Variants in PTPRD observed in about 807,000 individuals in gnomAD.
PTPRD encodes protein tyrosine phosphatase receptor type D.
PTPRD carries 34 observed loss-of-function variants against 214.5 expected under a neutral mutation model. The observed-to-expected ratio is 0.16, with a 90% CI of 0.12 to 0.21. PTPRD has a LOEUF of 0.21. Ranked by LOEUF, PTPRD falls within the 10% of genes least tolerant of loss-of-function variation. PTPRD has a pLI of 1.00. For missense variants in PTPRD, 2,545 were observed against 2,398.7 expected, an observed-to-expected ratio of 1.06 and a Z score of -1.27; for synonymous variants, 1,128 against 845.7, an observed-to-expected ratio of 1.33 and a Z score of -5.79.
chr9:8,696,357 A>G (rs1432670990), intron 12 of PTPRD, among the ~76,000 whole-genome samples: 1 of 152,194 alleles, frequency 6.6e-6, no homozygotes, highest in African/African-American at 2.4e-5. Context: ...TCACTTAACT[A>G]TCAAATGTTT....
chr9:10,148,523 C>A (rs984303504), intron 3 of PTPRD, among the ~76,000 whole-genome samples: 6 of 152,062 alleles, frequency 3.9e-5, no homozygotes, highest in African/African-American at 1.4e-4. Flanking sequence ...TATCATTTCT[C>A]AAGAAGATAC....
chr9:10,354,452 T>C (rs1340448939), intron 2 of PTPRD, among the ~76,000 whole-genome samples: 2 of 152,176 alleles, frequency 1.3e-5, no homozygotes, highest in Admixed American at 1.3e-4. Flanking sequence ...TCATCACTTT[T>C]ATGAATGAAG....
chr9:9,522,388 A>C (rs944654360), intron 8 of PTPRD, among the ~76,000 whole-genome samples: 2 of 152,140 alleles, frequency 1.3e-5, no homozygotes, highest in African/African-American at 4.8e-5. Flanking sequence ...TTCTAAAGGG[A>C]ACTATCTGGA....
At chr9:8,667,160 G>A (rs527664957) in intron 12 of PTPRD, among the ~76,000 whole-genome samples, 6 of 152,170 alleles carry the variant, frequency 3.9e-5, no homozygotes, top group East Asian at 1.9e-4. Context: ...CCAACATGGC[G>A]AAACCCCATC....
intron 2 of PTPRD, among the ~76,000 whole-genome samples, chr9:10,515,773 C>G (rs780109689): frequency 9.2e-5 from 14 of 151,908 alleles, no homozygotes; most frequent in African/African-American, 2.9e-4. Context: ...CCAGCAACCA[C>G]CATGCTACTC....
chr9:8,580,479 G>C (rs1382392587), intron 14 of PTPRD, among the ~76,000 whole-genome samples: 2 of 152,170 alleles, frequency 1.3e-5, no homozygotes, highest in African/African-American at 4.8e-5. Context: ...GCTGCCGTCT[G>C]CAGACCCTGA....
chr9:9,079,555 T>G (rs966986904), intron 10 of PTPRD, among the ~76,000 whole-genome samples: 1 of 152,036 alleles, frequency 6.6e-6, no homozygotes, highest in African/African-American at 2.4e-5. Flanking sequence ...CATTTGTAGT[T>G]GTTTGAGGAA....
At chr9:9,717,493 C>G (rs893139350) in intron 7 of PTPRD, among the ~76,000 whole-genome samples, 4 of 152,104 alleles carry the variant, frequency 2.6e-5, no homozygotes, top group African/African-American at 9.7e-5. Flanking sequence ...ATGAAGTCAT[C>G]TTTCAATGTA....
intron 3 of PTPRD, among the ~76,000 whole-genome samples, chr9:10,094,908 T>C (rs1298344123): frequency 6.6e-6 from 1 of 151,464 alleles, no homozygotes; most frequent in Non-Finnish European, 1.5e-5. Context: ...AGCAAGAATA[T>C]TAGCATTACT....
intron 8 of PTPRD, among the ~76,000 whole-genome samples, chr9:9,555,115 C>A (rs1423023748): frequency 6.6e-6 from 1 of 152,000 alleles, no homozygotes; most frequent in Non-Finnish European, 1.5e-5. Context: ...GAGTTTTGAG[C>A]ATGGACTTTA....
chr9:9,381,738 G>T, intron 9 of PTPRD, among the ~76,000 whole-genome samples: 1 of 148,560 alleles, frequency 6.7e-6, no homozygotes. Flanking sequence ...GTTTTTTAGT[G>T]GCTACCATAA....
At chr9:10,394,695 G>A (rs1297936376) in intron 2 of PTPRD, among the ~76,000 whole-genome samples, 1 of 151,604 alleles carries the variant, frequency 6.6e-6, no homozygotes, top group Admixed American at 6.6e-5. Context: ...TGTGACATCT[G>A]GGGCACAATT....
At chr9:9,998,125 A>ATATATATATATAT (rs1286206158) in intron 4 of PTPRD, among the ~76,000 whole-genome samples, 11 of 48,542 alleles carry the variant, frequency 2.3e-4, no homozygotes, top group African/African-American at 8.5e-4. Context: ...TAAAAAAAAA[A>ATATATATATATAT]AAAAATATAT....
intron 5 of PTPRD, among the ~76,000 whole-genome samples, chr9:9,854,398 T>C (rs2153673032): frequency 6.6e-6 from 1 of 152,234 alleles, no homozygotes; most frequent in South Asian, 2.1e-4. Context: ...TCTTCTGCAT[T>C]TGACAGAGTG....
At position 10,395,954 on chromosome 9, in the gene PTPRD, T is replaced by TGAGAGAGAGAGAGAGAGAGAGA. The variant is rs368100918; in HGVS notation, c.-599-54959_-599-54938dup. On this transcript the variant is annotated intron_variant, in intron 2 of 45. Coordinates refer to ENST00000381196, the MANE Select transcript of PTPRD (RefSeq NM_002839.4). The stretch of plus-strand genomic sequence containing the variant: ...AAGCCACAGAGGGACATAGAGAGAA[T>TGAGAGAGAGAGAGAGAGAGAGA]GAGAGAGAGAGAGAGAGAGAGAGAG... 5.7e-3 allele frequency among the ~76,000 whole-genome samples: 764 copies of TGAGAGAGAGAGAGAGAGAGAGA among 134,290 alleles called. 7 individuals are homozygous for TGAGAGAGAGAGAGAGAGAGAGA. The highest frequency in any genetic ancestry group is 0.017 in the African/African-American group (617 of 36,590). 88.1% of individuals were successfully genotyped at this position (134,290 alleles called of 152,430 possible).
intron 9 of PTPRD, among the ~76,000 whole-genome samples, chr9:9,188,554 T>G (rs1169537229): frequency 6.6e-6 from 1 of 152,026 alleles, no homozygotes; most frequent in African/African-American, 2.4e-5. Context: ...AGTCTAAGCT[T>G]GGTTAGTGAA....
chr9:10,112,548 C>T (rs2098700116), intron 3 of PTPRD, among the ~76,000 whole-genome samples: 1 of 151,996 alleles, frequency 6.6e-6, no homozygotes, highest in African/African-American at 2.4e-5. Flanking sequence ...AGACATGCAA[C>T]TGTTTTACAA....
intron 7 of PTPRD, among the ~76,000 whole-genome samples, chr9:9,603,988 T>A (rs1242679058): frequency 6.6e-6 from 1 of 152,034 alleles, no homozygotes; most frequent in Non-Finnish European, 1.5e-5. Context: ...CTCATTAAAA[T>A]TTTTTTTAAA....
intron 3 of PTPRD, among the ~76,000 whole-genome samples, chr9:10,225,548 T>C (rs1594740590): frequency 6.6e-6 from 1 of 152,038 alleles, no homozygotes; most frequent in South Asian, 2.1e-4. Flanking sequence ...AAATGAAATA[T>C]TACCATGAAC....
Sources: gnomAD v4.1 joint callset for allele counts (sites outside exome capture counted in the v4.1 genomes callset) on GRCh38, gnomAD v4.1.1 for gene constraint, MANE v1.5 for transcripts, NCBI Gene and HGNC (gene_info 2026-07-23, HGNC 2026-07-21) for gene names.